Variants in SEPTIN6 observed in about 807,000 individuals in gnomAD.
SEPTIN6 encodes the protein septin-6.
SEPTIN6 carries 8 observed loss-of-function variants against 33.6 expected under a neutral mutation model. The ratio of observed to expected loss-of-function variants is 0.24; its 90% CI spans 0.14 to 0.43. The LOEUF is 0.43. SEPTIN6 is among the 20% of genes least tolerant of loss of function. The probability of loss-of-function intolerance (pLI) is 1.00; values close to 1 mark genes in which losing one functional copy is unlikely to be tolerated. For missense variants in SEPTIN6, 250 were observed against 340.8 expected (o/e 0.73, Z 2.10); for synonymous variants, 131 against 140.0 (o/e 0.94, Z 0.45).
intron 10 of SEPTIN6, among the ~76,000 whole-genome samples, chrX:119,621,797 TC>T: frequency 2.6e-5 from 2 of 78,396 alleles, no homozygotes; most frequent in Middle Eastern, 0.014. Flanking sequence ...CAGCCAACTC[TC>T]TTAAAAAAAA....
chrX:119,654,277 TC>T (rs1265141623), intron 3 of SEPTIN6, among the ~76,000 whole-genome samples: 2 of 110,319 alleles, frequency 1.8e-5, no homozygotes, highest in Non-Finnish European at 3.8e-5. Context: ...CTGGGAAACT[TC>T]CCTCTCCCTC....
At chrX:119,668,603 C>T (rs1350351983) in intron 2 of SEPTIN6, among the ~76,000 whole-genome samples, 1 of 111,879 alleles carries the variant, frequency 8.9e-6, no homozygotes, top group Admixed American at 9.5e-5. Flanking sequence ...CACTTACTAG[C>T]TGTGTAAATT....
At chrX:119,680,397 C>T (rs1204358811) in intron 1 of SEPTIN6, among the ~76,000 whole-genome samples, 5 of 107,588 alleles carry the variant, frequency 4.6e-5, no homozygotes, top group South Asian at 8.3e-4. Context: ...TTAGTAGAGA[C>T]GGGGTTTCAC....
At chrX:119,667,591 CT>C (rs957585579) in intron 2 of SEPTIN6, among the ~76,000 whole-genome samples, 1 of 80,724 alleles carries the variant, frequency 1.2e-5, no homozygotes, top group African/African-American at 4.6e-5. Context: ...AGTGTAGAGC[CT>C]GGGGGTCGGG....
chrX:119,618,447 C>T lies in SEPTIN6; in HGVS notation c.*1646G>A, dbSNP rs778325056. ...TGATCTATAATTGAAGTGAGAAATC[C>T]CCTTCCCCTTCTCAATACTTCAAAA... On this transcript the variant is annotated 3_prime_UTR_variant, in exon 11 of 11. Coordinates refer to ENST00000394610, the MANE Select transcript of SEPTIN6 (RefSeq NM_145799.4). 5 of 882,596 alleles carry T rather than the reference C, an allele frequency of 5.7e-6. No homozygotes were observed. In the Admixed American group the frequency reaches 2.6e-4, roughly 46 times the overall value. 72.7% of individuals were successfully genotyped at this position (882,596 alleles called of 1,213,427 possible).
intron 5 of SEPTIN6, among the ~76,000 whole-genome samples, chrX:119,649,000 T>C (rs1448751755): frequency 9.0e-6 from 1 of 111,615 alleles, no homozygotes. Flanking sequence ...CATCTCTGCC[T>C]TCTTTATTAC....
At chrX:119,658,103 G>C (rs900045734) in intron 3 of SEPTIN6, among the ~76,000 whole-genome samples, 1 of 112,010 alleles carries the variant, frequency 8.9e-6, no homozygotes, top group African/African-American at 3.2e-5. Context: ...CTCCCGTCTG[G>C]GCAACAGTGC....
chrX:119,666,806 G>A (rs1415450501), intron 2 of SEPTIN6, among the ~76,000 whole-genome samples: 1 of 111,391 alleles, frequency 9.0e-6, no homozygotes, highest in African/African-American at 3.3e-5. Flanking sequence ...ATTTTATGAG[G>A]TGGGGCCTTT....
chrX:119,678,585 C>A (rs1278713589), intron 1 of SEPTIN6, among the ~76,000 whole-genome samples: 1 of 111,645 alleles, frequency 9.0e-6, no homozygotes, highest in Admixed American at 9.5e-5. Context: ...AGGCTTTGTT[C>A]TACGTTCACC....
chrX:119,632,052 C>T (rs1370971898), intron 8 of SEPTIN6, among the ~76,000 whole-genome samples: 2 of 110,039 alleles, frequency 1.8e-5, no homozygotes, highest in South Asian at 3.9e-4. Context: ...TGAGCAACTG[C>T]GCCCAGCCAA....
At chrX:119,642,177 C>CAA (rs1188953936) in intron 5 of SEPTIN6, among the ~76,000 whole-genome samples, 41 of 45,287 alleles carry the variant, frequency 9.1e-4, no homozygotes, top group African/African-American at 2.1e-3. Context: ...GACCCAGTCT[C>CAA]AAAAAAAAAA....
At chrX:119,657,433 A>G (rs2054466301) in intron 3 of SEPTIN6, among the ~76,000 whole-genome samples, 1 of 110,361 alleles carries the variant, frequency 9.1e-6, no homozygotes, top group African/African-American at 3.3e-5. Flanking sequence ...CATCTCTCCC[A>G]TCCTCAAGAG....
At chrX:119,633,772 G>A (rs1228473222) in intron 7 of SEPTIN6, among the ~76,000 whole-genome samples, 1 of 112,157 alleles carries the variant, frequency 8.9e-6, no homozygotes, top group Admixed American at 9.5e-5. Flanking sequence ...GCCCAGAGAG[G>A]TGAGGTGTCT....
At chrX:119,674,882 C>A (rs1254247402) in intron 2 of SEPTIN6, among the ~76,000 whole-genome samples, 2 of 111,213 alleles carry the variant, frequency 1.8e-5, no homozygotes, top group Admixed American at 9.7e-5. Flanking sequence ...ATAGAGGGGG[C>A]TAAGATGCAG....
chrX:119,625,544 C>CTTT, intron 9 of SEPTIN6, 165 bp from the exon 10 acceptor site: 26 of 351,856 alleles, frequency 7.4e-5, no homozygotes, highest in Admixed American at 1.5e-4. Flanking sequence ...CACTGATACT[C>CTTT]TTTTTTTTTT....
At chrX:119,638,864 C>T (rs1187331344) in intron 6 of SEPTIN6, among the ~76,000 whole-genome samples, 1 of 112,320 alleles carries the variant, frequency 8.9e-6, no homozygotes, top group Non-Finnish European at 1.9e-5. Flanking sequence ...TCAAGCGGAA[C>T]AGTCAACTTA....
chrX:119,667,957 A>T (rs1047447631), intron 2 of SEPTIN6, among the ~76,000 whole-genome samples: 6 of 111,859 alleles, frequency 5.4e-5, no homozygotes, highest in South Asian at 7.4e-4. Flanking sequence ...CAATAGTTTT[A>T]AAAAAAATTA....
At chrX:119,668,893 T>C (rs781557077) in intron 2 of SEPTIN6, among the ~76,000 whole-genome samples, 2 of 111,514 alleles carry the variant, frequency 1.8e-5, no homozygotes, top group Non-Finnish European at 3.8e-5. Context: ...TCCTGAGCAG[T>C]ATACACTGAA....
chrX:119,628,085 G>A (rs777590307), intron 9 of SEPTIN6, among the ~76,000 whole-genome samples: 5 of 107,262 alleles, frequency 4.7e-5, no homozygotes, highest in African/African-American at 1.0e-4. Flanking sequence ...CACCACGCCC[G>A]GCCCGTAGCT....
Sources: allele counts gnomAD v4.1 joint callset (sites outside exome capture counted in the v4.1 genomes callset), GRCh38; gene constraint gnomAD v4.1.1; transcripts MANE v1.5; gene names NCBI Gene and HGNC (gene_info 2026-07-23, HGNC 2026-07-21).